DCAF6: variants seen among roughly 807,000 people sequenced by gnomAD.
DCAF6 encodes the protein DDB1- and CUL4-associated factor 6.
DCAF6 carries 54 observed loss-of-function variants against 125.1 expected under a neutral mutation model. The ratio of observed to expected loss-of-function variants is 0.43; its 90% CI spans 0.35 to 0.54. DCAF6 has a LOEUF of 0.54. Ranked by LOEUF, DCAF6 falls within the 20% of genes least tolerant of loss-of-function variation. DCAF6 has a pLI of 0.01. For missense variants in DCAF6, 934 were observed against 1,161.7 expected, an observed-to-expected ratio of 0.80 and a Z score of 2.85; for synonymous variants, 371 against 390.4, an observed-to-expected ratio of 0.95 and a Z score of 0.58.
In DCAF6 at chr1:168,044,900, C is replaced by T. The variant is rs61745202; in HGVS notation, c.1931C>T (p.Thr644Ile). 5,682 of 1,612,302 alleles carry T rather than the reference C, an allele frequency of 3.5e-3. 172 individuals carry two copies. In the African/African-American group the frequency reaches 0.068, roughly 19 times the overall value. The change falls in exon 16 of 22, where the codon ACA (threonine) becomes ATA (isoleucine). Residue 644 changes from threonine to isoleucine, a missense_variant and splice_region_variant. By Grantham distance (89) the Thr-to-Ile change is moderately conservative. Transcript: ENST00000367840. ...TACATACAACTTTATTTTCTGACAGCACAATCAGATAAGTTCACAGCCAAG... is the reference window on the plus strand; with the variant it reads ...TACATACAACTTTATTTTCTGACAGTACAATCAGATAAGTTCACAGCCAAG... ...ENPVENHINITQSDKFTAKPL... is the reference protein window; with the variant it reads ...ENPVENHINIIQSDKFTAKPL...
chr1:168,050,163 A>G (rs1040619896), intron 16 of DCAF6, among the ~76,000 whole-genome samples: 3 of 152,014 alleles, frequency 2.0e-5, no homozygotes, highest in African/African-American at 4.8e-5. Flanking sequence ...TGATCTAACA[A>G]TTTTTTCCCT....
At chr1:167,944,231 G>C (rs569433753) in intron 1 of DCAF6, among the ~76,000 whole-genome samples, 21 of 152,252 alleles carry the variant, frequency 1.4e-4, no homozygotes, top group Non-Finnish European at 2.9e-4. Flanking sequence ...TGGACACTTA[G>C]GTTGATTCCA....
the DCAF6 span, among the ~76,000 whole-genome samples, chr1:167,923,685 T>C: frequency 1.3e-5 from 2 of 152,048 alleles, no homozygotes; most frequent in East Asian, 1.9e-4. Context: ...AAGTTTTATA[T>C]GTATTTTACC....
intron 7 of DCAF6, among the ~76,000 whole-genome samples, chr1:167,994,848 C>T (rs1681417494): frequency 6.6e-6 from 1 of 152,000 alleles, no homozygotes; most frequent in Admixed American, 6.6e-5. Context: ...GGTATTGGCT[C>T]AATGCCTATT....
the DCAF6 span, among the ~76,000 whole-genome samples, chr1:167,919,704 T>C: frequency 6.6e-6 from 1 of 152,172 alleles, no homozygotes; most frequent in Non-Finnish European, 1.5e-5. Context: ...TGATGCACAG[T>C]TAAATCTAAA....
At chr1:167,959,804 G>A (rs1278076588) in intron 2 of DCAF6, among the ~76,000 whole-genome samples, 2 of 152,070 alleles carry the variant, frequency 1.3e-5, no homozygotes, top group Admixed American at 6.6e-5. Flanking sequence ...TATTTCCCCT[G>A]TCTTGTCTTC....
intron 17 of DCAF6, among the ~76,000 whole-genome samples, chr1:168,058,738 T>A (rs1036639047): frequency 2.0e-5 from 3 of 152,094 alleles, no homozygotes; most frequent in African/African-American, 7.2e-5. Flanking sequence ...CCGGCTAATT[T>A]TTGTATTTGT....
the DCAF6 span, among the ~76,000 whole-genome samples, chr1:167,923,149 A>C: frequency 6.6e-6 from 1 of 152,208 alleles, no homozygotes; most frequent in Non-Finnish European, 1.5e-5. Flanking sequence ...GAAAACAAAA[A>C]ATATTAAGCA....
intron 3 of DCAF6, among the ~76,000 whole-genome samples, chr1:167,967,147 T>G (rs1041611915): frequency 3.3e-5 from 5 of 152,178 alleles, no homozygotes; most frequent in African/African-American, 1.2e-4. Context: ...ACTTTGGTCA[T>G]TGTTTCGTTT....
chr1:167,990,404 G>A (rs191796726), intron 5 of DCAF6, among the ~76,000 whole-genome samples: 2 of 152,194 alleles, frequency 1.3e-5, no homozygotes, highest in Non-Finnish European at 2.9e-5. Flanking sequence ...ATAATCAATA[G>A]TTATAGACAG....
the DCAF6 span, among the ~76,000 whole-genome samples, chr1:167,930,565 T>A: frequency 6.6e-6 from 1 of 152,186 alleles, no homozygotes; most frequent in Admixed American, 6.5e-5. Context: ...CCTAAGAGAA[T>A]ACCAAATTAT....
At chr1:167,958,863 A>G (rs966300678) in intron 2 of DCAF6, among the ~76,000 whole-genome samples, 1 of 152,208 alleles carries the variant, frequency 6.6e-6, no homozygotes, top group Non-Finnish European at 1.5e-5. Context: ...GCTGTATTTC[A>G]TGAGCCTACA....
Position 168,075,424 on chromosome 1 carries a change from G to T in DCAF6, c.2845G>T (p.Asp949Tyr). ...EGSGQENENE[D>Y]EE ...CTCTGGTCAAGAGAATGAAAATGAG[G>T]ATGAGGAATAATAAACTCTTTTTGG... The change falls in exon 22 of 22, where the codon GAT becomes TAT. Residue 949 changes from aspartate (D) to tyrosine (Y), a missense_variant. This residue lies in a region of DCAF6 where 36 missense variants were observed against 39.8 expected (regional missense o/e 0.91). Transcript: ENST00000367840. The T allele has an allele frequency of 6.2e-7, 1 of 1,600,172 alleles. No individual in the cohort carries two copies. Among genetic ancestry groups the T allele is most frequent in the Non-Finnish European group, 8.5e-7 (1 of 1,176,256 alleles).
the DCAF6 span, among the ~76,000 whole-genome samples, chr1:167,927,803 C>T: frequency 6.6e-6 from 1 of 152,148 alleles, no homozygotes; most frequent in Non-Finnish European, 1.5e-5. Flanking sequence ...ACTGAAAAAA[C>T]TTCAAACATC....
the DCAF6 span, among the ~76,000 whole-genome samples, chr1:167,927,924 G>A: frequency 6.6e-6 from 1 of 152,230 alleles, no homozygotes; most frequent in African/African-American, 2.4e-5. Context: ...GTACTAAACA[G>A]AAAAATAGCA....
rs531383670 is a variant in DCAF6 at position 168,065,852 on chromosome 1, T to C, written c.2596+106T>C. 397 of 1,092,456 alleles carry C rather than the reference T, an allele frequency of 3.6e-4. 2 individuals are homozygous for C. The Middle Eastern group carries it at 3.7e-3, about 10-fold the overall frequency. 67.7% of individuals were successfully genotyped at this position (1,092,456 alleles called of 1,614,324 possible). On this transcript the variant is annotated intron_variant, in intron 19 of 21. Coordinates refer to ENST00000367840, the MANE Select transcript of DCAF6 (RefSeq NM_001198956.2). ...TTAATATTATAAGAATAATCCAAACTATCTGACTAGGCAGCAGTAGAGTCA... is the reference window on the plus strand; with the variant it reads ...TTAATATTATAAGAATAATCCAAACCATCTGACTAGGCAGCAGTAGAGTCA...
At chr1:168,002,135 C>T (rs1396538369) in intron 7 of DCAF6, among the ~76,000 whole-genome samples, 1 of 152,118 alleles carries the variant, frequency 6.6e-6, no homozygotes, top group Non-Finnish European at 1.5e-5. Context: ...TTTATCATCA[C>T]AATAGAAAAC....
the DCAF6 span, among the ~76,000 whole-genome samples, chr1:167,930,253 G>T: frequency 6.6e-6 from 1 of 152,186 alleles, no homozygotes; most frequent in Non-Finnish European, 1.5e-5. Flanking sequence ...AAATTCCAGA[G>T]TAAAGAACAG....
At chr1:168,001,319 T>G (rs1386428831) in intron 7 of DCAF6, among the ~76,000 whole-genome samples, 3 of 151,962 alleles carry the variant, frequency 2.0e-5, no homozygotes, top group Non-Finnish European at 2.9e-5. Context: ...AATGTAAACA[T>G]TAAAGGGAGC....
Sources: allele counts gnomAD v4.1 joint callset (sites outside exome capture counted in the v4.1 genomes callset), GRCh38; gene constraint gnomAD v4.1.1; regional missense constraint gnomAD v4.1.1; transcripts MANE v1.5; gene names NCBI Gene and HGNC (gene_info 2026-07-23, HGNC 2026-07-21).